MYRIP: variants seen among roughly 807,000 people sequenced by gnomAD.
The protein encoded by MYRIP is rab effector MyRIP.
Under a neutral mutation model 98.0 loss-of-function variants are expected in MYRIP, and 49 were observed. The ratio of observed to expected loss-of-function variants is 0.50; its 90% CI spans 0.40 to 0.63. The LOEUF (loss-of-function observed/expected upper bound fraction) is 0.63, where lower values mean the gene tolerates loss of function less well. Ranked by LOEUF, MYRIP falls within the 30% of genes least tolerant of loss-of-function variation. The pLI is 0.00. For synonymous variants in MYRIP, 404 were observed against 409.5 expected, an observed-to-expected ratio of 0.99 and a Z score of 0.16; for missense variants, 1,004 against 1,058.2, an observed-to-expected ratio of 0.95 and a Z score of 0.71.
chr3:40,078,811 A>G (rs76921555), intron 3 of MYRIP, among the ~76,000 whole-genome samples: 4,958 of 152,268 alleles, frequency 0.033, 100 homozygotes, highest in Non-Finnish European at 0.053. Flanking sequence ...AAAGAGCCCT[A>G]TTTTAAGAGA....
chr3:40,258,077 GCTT>G, intron 16 of MYRIP, 54 bp from the exon 17 acceptor site: 1 of 1,588,062 alleles, frequency 6.3e-7, no homozygotes, highest in African/African-American at 1.3e-5. Context: ...ATTTTTCATT[GCTT>G]CTTCTCACTC....
intron 11 of MYRIP, among the ~76,000 whole-genome samples, chr3:40,218,655 T>TAATATATATATATATATATATATATAC: frequency 7.6e-6 from 1 of 131,380 alleles, no homozygotes; most frequent in African/African-American, 2.9e-5. Flanking sequence ...TATATATATA[T>TAATATATATATATATATATATATATAC]ACATACACAC....
chr3:39,816,004 G>T (rs952523716), intron 1 of MYRIP, among the ~76,000 whole-genome samples: 2 of 148,588 alleles, frequency 1.3e-5, no homozygotes. Context: ...TCCTTCCAAA[G>T]TTTGTATTAT....
intron 4 of MYRIP, among the ~76,000 whole-genome samples, chr3:40,158,581 A>T (rs1033180370): frequency 6.6e-6 from 1 of 152,092 alleles, no homozygotes; most frequent in Non-Finnish European, 1.5e-5. Context: ...GATCTGTCTA[A>T]TGTTGACAGT....
intron 2 of MYRIP, among the ~76,000 whole-genome samples, chr3:39,992,181 G>A (rs1460735114): frequency 6.6e-6 from 1 of 152,118 alleles, no homozygotes. Flanking sequence ...CTCCTAATCT[G>A]CTATCCCCTA....
In MYRIP at chr3:40,169,991, A is replaced by G. The variant is rs1452591584; in HGVS notation, c.771A>G (p.Glu257=). The change falls in exon 8 of 17, where the codon GAA becomes GAG. Residue 257 remains glutamate (E), a synonymous_variant. Transcript: ENST00000302541. ...AGAGCAAAAGTGAGCAGCAAGTGGAAGAAGAGCCAGGATGGCCACATCCCC... is the reference window on the plus strand; with the variant it reads ...AGAGCAAAAGTGAGCAGCAAGTGGAGGAAGAGCCAGGATGGCCACATCCCC... The part of the protein sequence containing the change: ...KQKSKSEQQV[E]EEPGWPHPQS... 2 of 1,614,240 alleles carry G rather than the reference A, an allele frequency of 1.2e-6. No homozygotes were observed. The highest frequency in any genetic ancestry group is 1.3e-5 in the African/African-American group (1 of 75,070).
intron 6 of MYRIP, 80 bp from the exon 7 acceptor site, chr3:40,167,079 G>A (rs1950516304): frequency 2.0e-6 from 3 of 1,468,414 alleles, no homozygotes; most frequent in Admixed American, 3.4e-5. Flanking sequence ...TGCTTTTGTG[G>A]TCAGGACTCT....
intron 3 of MYRIP, among the ~76,000 whole-genome samples, chr3:40,053,758 A>G (rs1406967152): frequency 1.3e-5 from 2 of 152,038 alleles, no homozygotes; most frequent in Non-Finnish European, 2.9e-5. Flanking sequence ...TCCTTACTCA[A>G]CCAGGCCCTG....
chr3:40,099,871 A>G, intron 3 of MYRIP: 1 of 546,518 alleles, frequency 1.8e-6, no homozygotes, highest in Non-Finnish European at 2.3e-6. Context: ...TTTCCCCTAC[A>G]AAGTTGTATT....
chr3:40,106,131 A>G (rs1255936046), intron 3 of MYRIP, among the ~76,000 whole-genome samples: 1 of 152,152 alleles, frequency 6.6e-6, no homozygotes, highest in African/African-American at 2.4e-5. Flanking sequence ...GAGAGTTATA[A>G]TATATATTTG....
At chr3:39,974,498 C>A (rs1426369730) in intron 2 of MYRIP, among the ~76,000 whole-genome samples, 1 of 152,188 alleles carries the variant, frequency 6.6e-6, no homozygotes, top group Non-Finnish European at 1.5e-5. Flanking sequence ...ACCATTCCTT[C>A]TGAAACTATT....
intron 3 of MYRIP, among the ~76,000 whole-genome samples, chr3:40,055,042 C>T (rs1947856976): frequency 6.6e-6 from 1 of 152,146 alleles, no homozygotes; most frequent in African/African-American, 2.4e-5. Context: ...AGTCACCAGC[C>T]TAGCAGATGT....
intron 3 of MYRIP, among the ~76,000 whole-genome samples, chr3:40,130,401 G>A (rs1482893465): frequency 2.8e-5 from 4 of 142,274 alleles, no homozygotes; most frequent in East Asian, 2.1e-4. Context: ...TTTTTGAGAC[G>A]GAGTCTCGCT....
At chr3:40,176,700 G>A (rs778282644) in intron 8 of MYRIP, among the ~76,000 whole-genome samples, 2 of 152,078 alleles carry the variant, frequency 1.3e-5, no homozygotes, top group South Asian at 4.1e-4. Flanking sequence ...CTGAGATCGG[G>A]AGTTCAAGAC....
At chr3:40,198,023 T>C (rs963598172) in intron 10 of MYRIP, among the ~76,000 whole-genome samples, 3 of 152,130 alleles carry the variant, frequency 2.0e-5, no homozygotes, top group African/African-American at 4.8e-5. Context: ...ACAGAGATAA[T>C]GAATGAATGA....
chr3:39,945,720 T>C (rs1380230219), intron 2 of MYRIP, among the ~76,000 whole-genome samples: 1 of 152,052 alleles, frequency 6.6e-6, no homozygotes, highest in Non-Finnish European at 1.5e-5. Flanking sequence ...TAAAGGAAAA[T>C]GACATTAAAA....
chr3:40,251,129 A>C (rs1953364196), intron 15 of MYRIP, among the ~76,000 whole-genome samples: 1 of 152,258 alleles, frequency 6.6e-6, no homozygotes, highest in Non-Finnish European at 1.5e-5. Context: ...GGACATTTTC[A>C]ACAAATGCCC....
chr3:39,879,098 C>G (rs1027220483), intron 1 of MYRIP, among the ~76,000 whole-genome samples: 1 of 151,270 alleles, frequency 6.6e-6, no homozygotes, highest in Non-Finnish European at 1.5e-5. Context: ...ATCTATATAT[C>G]TATGTATATA....
chr3:39,867,196 TA>T (rs1184379847), intron 1 of MYRIP, among the ~76,000 whole-genome samples: 2 of 152,186 alleles, frequency 1.3e-5, no homozygotes, highest in African/African-American at 2.4e-5. Flanking sequence ...ATTAAAGGTT[TA>T]AATGTAAGAC....
Sources: allele counts gnomAD v4.1 joint callset (sites outside exome capture counted in the v4.1 genomes callset), GRCh38; gene constraint gnomAD v4.1.1; transcripts MANE v1.5; gene names NCBI Gene and HGNC (gene_info 2026-07-23, HGNC 2026-07-21).